Variants in WFDC1 observed in about 807,000 individuals in gnomAD.
WFDC1 encodes WAP four-disulfide core domain 1.
In WFDC1, 39 loss-of-function variants were observed where a neutral mutation model predicts 32.9. The observed-to-expected ratio is 1.19, with a 90% CI of 0.92 to 1.55. The LOEUF (loss-of-function observed/expected upper bound fraction) is 1.55. Ranked by LOEUF, WFDC1 falls within the 40% of genes most tolerant of loss-of-function variation. WFDC1 has a pLI of 0.00. For synonymous variants in WFDC1, 184 were observed against 137.4 expected (o/e 1.34, Z -2.37); for missense variants, 386 against 309.5 (o/e 1.25, Z -1.85).
At chr16:84,317,534 T>A (rs1313830693) in intron 2 of WFDC1, 1 of 152,028 alleles carries the variant, frequency 6.6e-6, no homozygotes, top group Non-Finnish European at 1.5e-5. Flanking sequence ...CCCCTGCCTT[T>A]TGAAGGCCTT....
Position 84,313,097 on chromosome 16 carries a change from G to A in WFDC1, c.281G>A (p.Arg94His). The A allele has an allele frequency of 7.0e-7, 1 of 1,436,342 alleles. No individual in the cohort carries two copies. Among genetic ancestry groups the A allele is most frequent in the Non-Finnish European group, 9.1e-7 (1 of 1,100,770 alleles). The allele number at this position is 1,436,342 out of a possible 1,614,324, so 89.0% of individuals were successfully genotyped here. The change falls in exon 2 of 7, where the codon CGC becomes CAC. Residue 94 changes from arginine (R) to histidine (H), a missense_variant. Arg to His is a conservative substitution (Grantham distance 29, BLOSUM62 0). Coordinates refer to ENST00000219454, the MANE Select transcript of WFDC1 (RefSeq NM_021197.4). Reference sequence around the variant, plus strand: ...GACTCCGAGTGCCCGCGGCACCGGCGCTGCTGCTACAACGGATGCGCCTAC... The same window carrying A: ...GACTCCGAGTGCCCGCGGCACCGGCACTGCTGCTACAACGGATGCGCCTAC... ...QADSECPRHR[R>H]CCYNGCAYAC...
intron 2 of WFDC1, among the ~76,000 whole-genome samples, chr16:84,313,699 G>T (rs1597680616): frequency 6.6e-6 from 1 of 152,214 alleles, no homozygotes; most frequent in Admixed American, 6.5e-5. Flanking sequence ...GGTATTTGAG[G>T]TGGAGACCAG....
At position 84,309,144 on chromosome 16, in the gene WFDC1, G is replaced by A. The variant is rs568593705; in HGVS notation, c.145-3817G>A. On this transcript the variant is annotated intron_variant, in intron 1 of 6. Transcript: ENST00000219454. ...TGAGACAAGCTCAGCTGGAGGAAAC[G>A]GTTTGAAGAGATGAATGTGCTTGGA... Among the ~76,000 whole-genome samples the A allele has an allele frequency of 6.0e-4, 92 of 152,328 alleles. 1 individual carries two copies. Among genetic ancestry groups the A allele is most frequent in the Middle Eastern group, 3.4e-3 (1 of 294 alleles).
chr16:84,324,447 C>T lies in WFDC1; in HGVS notation c.591C>T (p.Tyr197=), dbSNP rs766872538. Residue 197 remains tyrosine, a synonymous_variant, in exon 5 of 7, where the codon TAC becomes TAT. Coordinates refer to ENST00000219454, the MANE Select transcript of WFDC1 (RefSeq NM_021197.4). ...ADGRILRHKL[Y]KEYPEGDSKN... The stretch of plus-strand genomic sequence containing the variant: ...GGCGAATCCTACGACACAAACTTTA[C>T]AAAGAATATCCAGGTAAAAGAAGAA... The T allele has an allele frequency of 1.2e-6, 2 of 1,613,632 alleles. No homozygotes were observed. Among genetic ancestry groups the T allele is most frequent in the Admixed American group, 3.3e-5 (2 of 59,944 alleles).
intron 1 of WFDC1, among the ~76,000 whole-genome samples, chr16:84,300,631 G>A (rs1906878174): frequency 6.6e-6 from 1 of 152,254 alleles, no homozygotes; most frequent in Non-Finnish European, 1.5e-5. Context: ...ATGAAGTCAT[G>A]CTGGAGGTGG....
At chr16:84,305,830 C>T (rs902595961) in intron 1 of WFDC1, among the ~76,000 whole-genome samples, 1 of 151,402 alleles carries the variant, frequency 6.6e-6, no homozygotes, top group Non-Finnish European at 1.5e-5. Flanking sequence ...GGCAAAACCC[C>T]ATCTCTACTA....
chr16:84,310,262 A>G (rs1032388391), intron 1 of WFDC1, among the ~76,000 whole-genome samples: 1 of 151,864 alleles, frequency 6.6e-6, no homozygotes, highest in African/African-American at 2.4e-5. Context: ...ACCGAAGCAC[A>G]TCCCAGCCTT....
intron 1 of WFDC1, among the ~76,000 whole-genome samples, chr16:84,297,883 G>A (rs978607672): frequency 6.6e-6 from 1 of 152,082 alleles, no homozygotes; most frequent in Admixed American, 6.6e-5. Flanking sequence ...ACGGATGATA[G>A]GAAGCAGCCC....
In WFDC1 at chr16:84,310,844, C is replaced by T. The variant is rs1198432159; in HGVS notation, c.145-2117C>T. On this transcript the variant is annotated intron_variant, in intron 1 of 6. Coordinates refer to ENST00000219454, the MANE Select transcript of WFDC1 (RefSeq NM_021197.4). ...CTTAAAGGCAGGTTTTCATGGCTGT[C>T]TACTATTCCAATTTGCAGATATGCC... 6.6e-5 allele frequency among the ~76,000 whole-genome samples: 10 copies of T among 152,226 alleles called. No individual in the cohort carries two copies. The South Asian group carries it at 1.9e-3, about 28-fold the overall frequency.
chr16:84,307,021 T>A (rs1907303651), intron 1 of WFDC1, among the ~76,000 whole-genome samples: 1 of 151,524 alleles, frequency 6.6e-6, no homozygotes, highest in African/African-American at 2.4e-5. Flanking sequence ...AGATCCCAGG[T>A]AGGTGAGAGC....
At chr16:84,328,664 G>C (rs954887265) in intron 6 of WFDC1, 1 of 152,262 alleles carries the variant, frequency 6.6e-6, no homozygotes, top group Non-Finnish European at 1.5e-5. Context: ...GAGGCTTTTG[G>C]GTGGGCGCAG....
chr16:84,320,129 A>G (rs1241604471), intron 4 of WFDC1, among the ~76,000 whole-genome samples: 1 of 152,190 alleles, frequency 6.6e-6, no homozygotes, highest in Non-Finnish European at 1.5e-5. Context: ...TTTCACTTTC[A>G]GTATGGTAAT....
intron 1 of WFDC1, among the ~76,000 whole-genome samples, chr16:84,311,125 A>C (rs431596): frequency 1.3e-5 from 2 of 151,670 alleles, no homozygotes; most frequent in South Asian, 4.2e-4. Flanking sequence ...GCCTGGATGG[A>C]GTCTGGTGTC....
At chr16:84,308,255 G>C (rs1336260610) in intron 1 of WFDC1, among the ~76,000 whole-genome samples, 1 of 152,068 alleles carries the variant, frequency 6.6e-6, no homozygotes, top group African/African-American at 2.4e-5. Flanking sequence ...CTCTGGCCTT[G>C]GTGATTCCAC....
chr16:84,308,930 T>C (rs544143355), intron 1 of WFDC1, among the ~76,000 whole-genome samples: 1 of 152,194 alleles, frequency 6.6e-6, no homozygotes, highest in South Asian at 2.1e-4. Flanking sequence ...GATGCCATCC[T>C]GGGTGTAGAC....
At chr16:84,303,466 T>G (rs1420377818) in intron 1 of WFDC1, among the ~76,000 whole-genome samples, 1 of 144,764 alleles carries the variant, frequency 6.9e-6, no homozygotes, top group Non-Finnish European at 1.5e-5. Context: ...ATTAAAAGAA[T>G]GATGTTTACT....
chr16:84,308,805 G>T (rs1176608713), intron 1 of WFDC1, among the ~76,000 whole-genome samples: 1 of 152,042 alleles, frequency 6.6e-6, no homozygotes, highest in Non-Finnish European at 1.5e-5. Flanking sequence ...ACGCCAGCCT[G>T]GGTGTAGATG....
intron 1 of WFDC1, among the ~76,000 whole-genome samples, chr16:84,308,289 G>A (rs112938266): frequency 0.016 from 2,477 of 152,204 alleles, 59 homozygotes; most frequent in African/African-American, 0.057. Context: ...CACCCGGCCC[G>A]GACCTGTTCC....
At chr16:84,303,803 G>A (rs1907087236) in intron 1 of WFDC1, among the ~76,000 whole-genome samples, 3 of 152,152 alleles carry the variant, frequency 2.0e-5, no homozygotes, top group African/African-American at 7.2e-5. Context: ...AGGAAACCCT[G>A]CAGCCATTAG....
Sources: allele counts gnomAD v4.1 joint callset (sites outside exome capture counted in the v4.1 genomes callset), GRCh38; gene constraint gnomAD v4.1.1; transcripts MANE v1.5; gene names NCBI Gene and HGNC (gene_info 2026-07-23, HGNC 2026-07-21).